Variants in SOX5 observed in about 807,000 individuals in gnomAD.
SOX5 encodes the protein transcription factor SOX-5.
A neutral mutation model predicts 92.0 loss-of-function variants in SOX5; 9 were observed. The ratio of observed to expected loss-of-function variants is 0.10; its 90% CI spans 0.06 to 0.17. SOX5 has a LOEUF of 0.17. SOX5 is among the 10% of genes least tolerant of loss of function. SOX5 has a pLI of 1.00. For missense variants in SOX5, 642 were observed against 944.5 expected (o/e 0.68, Z 4.20); for synonymous variants, 344 against 336.3 (o/e 1.02, Z -0.25).
intron 1 of SOX5, among the ~76,000 whole-genome samples, chr12:23,918,959 T>G (rs940238686): frequency 2.7e-5 from 4 of 150,674 alleles, no homozygotes; most frequent in African/African-American, 9.7e-5. Context: ...TGGCCCCCAA[T>G]TCTTCCATTT....
chr12:24,068,744 A>G (rs1401467846), intron 4 of SOX5, among the ~76,000 whole-genome samples: 5 of 86,320 alleles, frequency 5.8e-5, no homozygotes, highest in Non-Finnish European at 1.2e-4. Flanking sequence ...ATATATATAT[A>G]TATACACACA....
At chr12:23,698,553 C>T (rs186378646) in intron 6 of SOX5, among the ~76,000 whole-genome samples, 1 of 152,290 alleles carries the variant, frequency 6.6e-6, no homozygotes, top group Non-Finnish European at 1.5e-5. Context: ...ATCTCCTTAT[C>T]ATGCTCTTGA....
At chr12:24,068,038 G>C (rs1215589394) in intron 4 of SOX5, among the ~76,000 whole-genome samples, 1 of 152,062 alleles carries the variant, frequency 6.6e-6, no homozygotes, top group Non-Finnish European at 1.5e-5. Flanking sequence ...CCAGCTACTC[G>C]GGAGGCTGAG....
intron 1 of SOX5, among the ~76,000 whole-genome samples, chr12:24,389,472 G>C (rs1360713911): frequency 1.3e-5 from 2 of 152,140 alleles, no homozygotes; most frequent in Non-Finnish European, 2.9e-5. Flanking sequence ...ATGCAGGTTA[G>C]GTAAACGTAT....
At chr12:24,561,368 T>A (rs892214110) in intron 1 of SOX5, among the ~76,000 whole-genome samples, 1 of 152,234 alleles carries the variant, frequency 6.6e-6, no homozygotes, top group East Asian at 1.9e-4. Flanking sequence ...TCAATCTATT[T>A]ATTAATATAG....
chr12:24,365,906 T>C (rs1251177570), intron 2 of SOX5, among the ~76,000 whole-genome samples: 1 of 152,072 alleles, frequency 6.6e-6, no homozygotes, highest in African/African-American at 2.4e-5. Flanking sequence ...ATTTCCACTT[T>C]AGTTAACAAA....
intron 1 of SOX5, among the ~76,000 whole-genome samples, chr12:24,380,146 T>C (rs1047668238): frequency 9.9e-5 from 15 of 152,196 alleles, no homozygotes; most frequent in Admixed American, 6.5e-4. Context: ...ACCACCTCCA[T>C]TGACACACGT....
intron 4 of SOX5, among the ~76,000 whole-genome samples, chr12:23,971,811 G>A (rs11830218): frequency 0.028 from 4,318 of 152,172 alleles, 226 homozygotes; most frequent in African/African-American, 0.099. Context: ...AAAAGCAACA[G>A]AGTTTGAAAG....
At chr12:23,928,979 T>C (rs1940745220) in intron 1 of SOX5, among the ~76,000 whole-genome samples, 1 of 151,666 alleles carries the variant, frequency 6.6e-6, no homozygotes, top group Admixed American at 6.6e-5. Flanking sequence ...TAAAATAATA[T>C]CTGAAAGAAA....
intron 13 of SOX5, among the ~76,000 whole-genome samples, chr12:23,540,395 AT>A (rs1446268138): frequency 1.6e-4 from 23 of 142,520 alleles, no homozygotes; most frequent in African/African-American, 5.6e-4. Flanking sequence ...AATAATAATA[AT>A]AATAATAAAA....
intron 4 of SOX5, among the ~76,000 whole-genome samples, chr12:23,993,888 TA>T (rs1049182393): frequency 3.3e-5 from 5 of 151,716 alleles, no homozygotes; most frequent in African/African-American, 1.2e-4. Context: ...TGTATGTATG[TA>T]TGTATGTATG....
In SOX5 at chr12:23,965,097, G is replaced by C. The variant is rs139874680; in HGVS notation, c.-1-69073C>G. ...CAAAGGGAATGTGCTGGGTGTGCCT[G>C]TCAGCCTTGACATTCTCTATGCACC... On this transcript the variant is annotated intron_variant, in intron 4 of 4. Coordinates refer to the SOX5 transcript ENST00000446891. 9.7e-4 allele frequency among the ~76,000 whole-genome samples: 147 copies of C among 152,314 alleles called. 1 individual carries two copies. The highest frequency in any genetic ancestry group is 3.4e-3 in the African/African-American group (142 of 41,566).
At chr12:24,258,104 C>T (rs918055622) in intron 3 of SOX5, among the ~76,000 whole-genome samples, 11 of 152,190 alleles carry the variant, frequency 7.2e-5, no homozygotes, top group African/African-American at 1.9e-4. Context: ...ACCCGGGAGG[C>T]GGAGGCTGCA....
intron 3 of SOX5, among the ~76,000 whole-genome samples, chr12:24,254,527 A>G (rs187427152): frequency 2.6e-5 from 4 of 152,226 alleles, no homozygotes; most frequent in South Asian, 2.1e-4. Context: ...AAAGTCTTTC[A>G]TAATAAAGTG....
intron 5 of SOX5, among the ~76,000 whole-genome samples, chr12:23,739,560 C>T (rs1257974054): frequency 2.6e-5 from 4 of 152,134 alleles, no homozygotes; most frequent in Non-Finnish European, 5.9e-5. Context: ...CACTCCTGGC[C>T]CCACTTCCAT....
intron 3 of SOX5, among the ~76,000 whole-genome samples, chr12:24,274,477 C>G (rs1944180818): frequency 6.6e-6 from 1 of 152,066 alleles, no homozygotes; most frequent in South Asian, 2.1e-4. Flanking sequence ...AAATGTTTTC[C>G]ATTATTATTT....
intron 3 of SOX5, among the ~76,000 whole-genome samples, chr12:23,760,531 G>A (rs973408238): frequency 2.6e-5 from 4 of 152,000 alleles, no homozygotes; most frequent in Admixed American, 1.3e-4. Context: ...ACATTTGCTT[G>A]CTTTTCCCTT....
chr12:24,016,127 G>A (rs1731994399), intron 4 of SOX5, among the ~76,000 whole-genome samples: 1 of 152,118 alleles, frequency 6.6e-6, no homozygotes, highest in African/African-American at 2.4e-5. Flanking sequence ...CATGCGGTGG[G>A]CAAGATTTCA....
chr12:23,902,712 C>T (rs945993059), intron 1 of SOX5, among the ~76,000 whole-genome samples: 1 of 151,950 alleles, frequency 6.6e-6, no homozygotes, highest in Admixed American at 6.6e-5. Flanking sequence ...TTTTCAAGTA[C>T]AGTTCTGTTT....
Sources: allele counts gnomAD v4.1 joint callset (sites outside exome capture counted in the v4.1 genomes callset), GRCh38; gene constraint gnomAD v4.1.1; transcripts MANE v1.5; gene names NCBI Gene and HGNC (gene_info 2026-07-23, HGNC 2026-07-21).